GPR107: variants seen among roughly 807,000 people sequenced by gnomAD.
The protein encoded by GPR107 is protein GPR107.
A neutral mutation model predicts 75.5 loss-of-function variants in GPR107; 31 were observed. That is an observed-to-expected ratio of 0.41 (90% confidence interval 0.31 to 0.55). The LOEUF (loss-of-function observed/expected upper bound fraction) is 0.55. Among genes scored for constraint, GPR107 ranks in the 20% least tolerant of loss-of-function variants. GPR107 has a pLI of 0.26. For missense variants in GPR107, 572 were observed against 665.7 expected, an observed-to-expected ratio of 0.86 and a Z score of 1.55; for synonymous variants, 267 against 251.3, an observed-to-expected ratio of 1.06 and a Z score of -0.59.
At position 130,076,417 on chromosome 9, in the gene GPR107, A is replaced by T; in HGVS notation, c.261A>T (p.Gly87=). 1 of 1,560,420 alleles carries T rather than the reference A, an allele frequency of 6.4e-7. No homozygotes were observed. The highest frequency in any genetic ancestry group is 8.8e-7 in the Non-Finnish European group (1 of 1,130,908). ...CTGTTTTTACTCCCCATTAGATTGGATTTAGCCTAGACCGTACAAAGAATG... is the reference window on the plus strand; with the variant it reads ...CTGTTTTTACTCCCCATTAGATTGGTTTTAGCCTAGACCGTACAAAGAATG... ...NEPEDKDVTI[G]FSLDRTKNDG... Residue 87 remains glycine (G), a synonymous_variant, in exon 3 of 18, where the codon GGA becomes GGT. Transcript: ENST00000347136.
chr9:130,121,178 A>G (rs988018596), intron 14 of GPR107, among the ~76,000 whole-genome samples: 1 of 142,852 alleles, frequency 7.0e-6, no homozygotes, highest in Non-Finnish European at 1.5e-5. Flanking sequence ...GTGAGACCCT[A>G]TCTCAAAACA....
At chr9:130,064,378 T>C (rs1289485826) in intron 1 of GPR107, among the ~76,000 whole-genome samples, 1 of 150,586 alleles carries the variant, frequency 6.6e-6, no homozygotes, top group African/African-American at 2.4e-5. Flanking sequence ...TTTGTATTTT[T>C]TTTAGTAGAG....
intron 17 of GPR107, chr9:130,129,516 C>T (rs1831767277): frequency 6.6e-6 from 1 of 152,264 alleles, no homozygotes; most frequent in Admixed American, 6.5e-5. Context: ...GCTTGGCTGT[C>T]AGCGGGTCAG....
intron 1 of GPR107, among the ~76,000 whole-genome samples, chr9:130,056,677 G>T (rs1190195407): frequency 6.6e-6 from 1 of 151,962 alleles, no homozygotes; most frequent in Non-Finnish European, 1.5e-5. Context: ...TGTAATCCCA[G>T]CACTTTGGGA....
intron 1 of GPR107, among the ~76,000 whole-genome samples, chr9:130,069,307 C>A (rs539411769): frequency 6.6e-6 from 1 of 152,236 alleles, no homozygotes; most frequent in African/African-American, 2.4e-5. Flanking sequence ...TCTCTGAAAT[C>A]CTTGGTGAAA....
chr9:130,084,322 T>C (rs1830564504), intron 6 of GPR107, among the ~76,000 whole-genome samples: 1 of 150,878 alleles, frequency 6.6e-6, no homozygotes, highest in Non-Finnish European at 1.5e-5. Context: ...CACTTGAACC[T>C]GGGAGGCAGA....
Position 130,104,438 on chromosome 9 carries a change from T to C in GPR107, c.1150T>C (p.Tyr384His). ...TCTGTAGGTCCTGGCAAATGTAGCC[T>C]ACATCATCATAGAGTCCACCGAGGA... ...IPLQVLANVA[Y>H]IIIESTEEGT... The change falls in exon 13 of 18, where the codon TAC (tyrosine) becomes CAC (histidine). Residue 384 changes from tyrosine to histidine, a missense_variant. Physicochemically the swap from Tyr to His is moderately conservative, Grantham distance 83. Coordinates refer to ENST00000347136, the MANE Select transcript of GPR107 (RefSeq NM_020960.5). 1 of 1,613,786 alleles carries C rather than the reference T, an allele frequency of 6.2e-7. No individual in the cohort carries two copies. Among genetic ancestry groups the C allele is most frequent in the Non-Finnish European group, 8.5e-7 (1 of 1,179,680 alleles).
At chr9:130,123,657 T>A (rs1017168746) in intron 14 of GPR107, among the ~76,000 whole-genome samples, 1 of 151,510 alleles carries the variant, frequency 6.6e-6, no homozygotes, top group African/African-American at 2.4e-5. Context: ...GCTAATTTTT[T>A]AATTTTTTTT....
intron 7 of GPR107, among the ~76,000 whole-genome samples, chr9:130,088,979 C>A (rs1830672571): frequency 6.6e-6 from 1 of 151,896 alleles, no homozygotes; most frequent in South Asian, 2.1e-4. Context: ...TAGTGAAACC[C>A]CGTCTCTACT....
chr9:130,066,892 G>A (rs1387327839), intron 1 of GPR107, among the ~76,000 whole-genome samples: 2 of 151,994 alleles, frequency 1.3e-5, no homozygotes, highest in African/African-American at 4.8e-5. Flanking sequence ...AGGCTGAGGC[G>A]GGAGAATGGC....
intron 14 of GPR107, among the ~76,000 whole-genome samples, chr9:130,110,701 G>GGAATGGCCTGTGCTGGAGCTGCCCTC (rs1831275586): frequency 6.6e-6 from 1 of 152,208 alleles, no homozygotes; most frequent in Admixed American, 6.5e-5. Flanking sequence ...AGAGGTCTCA[G>GGAATGGCCTGTGCTGGAGCTGCCCTC]GAATGGCCTG....
At chr9:130,089,412 T>A (rs1424424701) in intron 7 of GPR107, among the ~76,000 whole-genome samples, 14 of 152,164 alleles carry the variant, frequency 9.2e-5, no homozygotes, top group Admixed American at 9.2e-4. Context: ...AAAGAAGTCG[T>A]CATGATTTCT....
intron 5 of GPR107, among the ~76,000 whole-genome samples, chr9:130,080,032 C>T (rs1340969148): frequency 2.6e-5 from 4 of 152,128 alleles, no homozygotes; most frequent in Non-Finnish European, 5.9e-5. Flanking sequence ...AAGTCTAGAA[C>T]ATTTGATTTT....
At chr9:130,102,699 C>T (rs1242903390) in intron 12 of GPR107, among the ~76,000 whole-genome samples, 1 of 152,182 alleles carries the variant, frequency 6.6e-6, no homozygotes, top group Non-Finnish European at 1.5e-5. Flanking sequence ...CGTTGTTCAA[C>T]ACTGGGAACA....
At chr9:130,131,056 A>G (rs1554898996) in intron 17 of GPR107, among the ~76,000 whole-genome samples, 1 of 152,132 alleles carries the variant, frequency 6.6e-6, no homozygotes. Context: ...AAGAACGCTT[A>G]TCTGCGGCGG....
chr9:130,076,097 A>G (rs1424153078), intron 2 of GPR107, among the ~76,000 whole-genome samples: 1 of 152,130 alleles, frequency 6.6e-6, no homozygotes, highest in Non-Finnish European at 1.5e-5. Flanking sequence ...TTACTCTTTT[A>G]GCTTAGGTGA....
At chr9:130,110,243 C>G in intron 14 of GPR107, 1 of 659,620 alleles carries the variant, frequency 1.5e-6, no homozygotes, top group Non-Finnish European at 2.8e-6. Context: ...GTAGATGGCA[C>G]AGCAGGTGAG....
At chr9:130,105,565 T>G (rs1464125605) in intron 13 of GPR107, among the ~76,000 whole-genome samples, 1 of 149,610 alleles carries the variant, frequency 6.7e-6, no homozygotes, top group Non-Finnish European at 1.5e-5. Flanking sequence ...CTGAGGTGCT[T>G]CTTATTGCAA....
At chr9:130,069,324 C>T (rs1244798317) in intron 1 of GPR107, among the ~76,000 whole-genome samples, 1 of 152,100 alleles carries the variant, frequency 6.6e-6, no homozygotes, top group East Asian at 1.9e-4. Flanking sequence ...GAAACAGGCA[C>T]CCTTTACCAC....
Sources: gnomAD v4.1 joint callset for allele counts (sites outside exome capture counted in the v4.1 genomes callset) on GRCh38, gnomAD v4.1.1 for gene constraint, MANE v1.5 for transcripts, NCBI Gene and HGNC (gene_info 2026-07-23, HGNC 2026-07-21) for gene names.